Variants in WDR72 observed in about 807,000 individuals in gnomAD.
WDR72 encodes WD repeat-containing protein 72.
A neutral mutation model predicts 124.2 loss-of-function variants in WDR72; 120 were observed. The ratio of observed to expected loss-of-function variants is 0.97; its 90% CI spans 0.83 to 1.12. WDR72 has a LOEUF of 1.12. Among genes scored for constraint, WDR72 ranks in the 50% most tolerant of loss-of-function variants. The pLI is 0.00. For synonymous variants in WDR72, 452 were observed against 441.7 expected (o/e 1.02, Z -0.29); for missense variants, 1,387 against 1,278.8 (o/e 1.08, Z -1.29).
rs190154237 is a variant in WDR72, at chr15:53,611,169, T to C, written c.2873-1577A>G. On this transcript the variant is annotated intron_variant, in intron 16 of 19. Transcript: ENST00000360509. ...TTTAGATGAGCACCTCGGAGTATTA[T>C]TTTTATTCTTTAGGATTTGGCTTCA... 1.9e-3 allele frequency among the ~76,000 whole-genome samples: 292 copies of C among 152,286 alleles called. 1 individual carries two copies. The highest frequency in any genetic ancestry group is 6.8e-3 in the African/African-American group (283 of 41,578).
rs192085071 is a variant in WDR72 at position 53,553,417 on chromosome 15, C to T, written c.3149-30095G>A. ...TGCAGTGTTTTCGTGTTATGTAGCA[C>T]GGGGAGAACAAATTTCTGAAGCTGT... On this transcript the variant is annotated intron_variant, in intron 18 of 19. Transcript: ENST00000360509. Among the ~76,000 whole-genome samples, 69 of 152,104 alleles carry T rather than the reference C, an allele frequency of 4.5e-4. 1 individual carries two copies. In the East Asian group the frequency reaches 5.8e-3, roughly 13 times the overall value.
chr15:53,617,471 T>C lies in WDR72; in HGVS notation c.1963-1228A>G, dbSNP rs2013814501. On this transcript the variant is annotated intron_variant, in intron 14 of 19. Coordinates refer to ENST00000360509, the MANE Select transcript of WDR72 (RefSeq NM_182758.4). The stretch of plus-strand genomic sequence containing the variant: ...TGATGATATATTTAATTTTCAATAA[T>C]AAAAAAGGAAAGTTTAAAAAGAAAA... 4.0e-5 allele frequency among the ~76,000 whole-genome samples: 6 copies of C among 151,394 alleles called. No homozygotes were observed. In the South Asian group the frequency reaches 1.2e-3, roughly 32 times the overall value.
intron 18 of WDR72, among the ~76,000 whole-genome samples, chr15:53,555,391 G>T (rs923611716): frequency 1.3e-5 from 2 of 151,828 alleles, no homozygotes; most frequent in East Asian, 1.9e-4. Context: ...AAAGAAGAAA[G>T]AAATAGATCT....
chr15:53,597,189 G>T lies in WDR72; in HGVS notation c.3038C>A (p.Pro1013Gln). 1 of 1,613,882 alleles carries T rather than the reference G, an allele frequency of 6.2e-7. No individual in the cohort carries two copies. Among genetic ancestry groups the T allele is most frequent in the Middle Eastern group, 1.7e-4 (1 of 6,056 alleles). ...GTTACCATTCTCTGCCATGGACACT[G>T]GTTGACTATTGACGGGTATCTTTCC... ...SLGKIPVNSQ[P>Q]VSMAENGNCE... is the part of the protein sequence containing the mutation. The change falls in exon 18 of 20, where the codon CCA (proline) becomes CAA (glutamine). Residue 1013 changes from proline (P) to glutamine (Q), a missense_variant. By Grantham distance (76) the Pro-to-Gln change is moderately conservative. Transcript: ENST00000360509.
At chr15:53,599,256 A>G (rs2140342693) in intron 17 of WDR72, among the ~76,000 whole-genome samples, 1 of 152,228 alleles carries the variant, frequency 6.6e-6, no homozygotes, top group South Asian at 2.1e-4. Context: ...ATATTTTATT[A>G]CTTATTCATG....
Position 53,615,955 on chromosome 15 carries a change from C to T in WDR72, c.2251G>A (p.Ala751Thr). The change falls in exon 15 of 20, where the codon GCC (alanine) becomes ACC (threonine). Residue 751 changes from alanine (A) to threonine (T), a missense_variant. Coordinates refer to ENST00000360509, the MANE Select transcript of WDR72 (RefSeq NM_182758.4). ...ALAKPITESL[A>T]QGDNTIKFSE... ...AATTTGATGGTATTATCTCCTTGGG[C>T]CAGGCTTTCAGTAATAGGCTTGGCT... The T allele has an allele frequency of 6.2e-7, 1 of 1,613,274 alleles. No homozygotes were observed. The highest frequency in any genetic ancestry group is 8.5e-7 in the Non-Finnish European group (1 of 1,179,596).
intron 18 of WDR72, among the ~76,000 whole-genome samples, chr15:53,585,507 GC>G (rs2012158202): frequency 1.3e-5 from 2 of 151,886 alleles, no homozygotes; most frequent in African/African-American, 4.8e-5. Context: ...CCATATAATT[GC>G]GCTATTGGGT....
intron 13 of WDR72, among the ~76,000 whole-genome samples, chr15:53,673,384 G>C (rs923799891): frequency 6.6e-6 from 1 of 152,068 alleles, no homozygotes; most frequent in Non-Finnish European, 1.5e-5. Flanking sequence ...AGGAAATTAA[G>C]ACTAAACAAC....
At chr15:53,523,344 G>A in intron 18 of WDR72, 22 bp from the exon 19 acceptor site, 1 of 1,608,726 alleles carries the variant, frequency 6.2e-7, no homozygotes, top group South Asian at 1.1e-5. Context: ...GAGAGAGAGA[G>A]AGAGAGAGAC....
At chr15:53,756,268 C>T (rs2018903361) in intron 1 of WDR72, among the ~76,000 whole-genome samples, 1 of 152,176 alleles carries the variant, frequency 6.6e-6, no homozygotes, top group Non-Finnish European at 1.5e-5. Context: ...CTTTGCTCCG[C>T]ACTCATTCTC....
At chr15:53,696,514 C>T (rs1316502160) in intron 13 of WDR72, among the ~76,000 whole-genome samples, 1 of 152,212 alleles carries the variant, frequency 6.6e-6, no homozygotes, top group African/African-American at 2.4e-5. Flanking sequence ...ATTTATCATT[C>T]GTGTGCCAGG....
intron 1 of WDR72, among the ~76,000 whole-genome samples, chr15:53,740,271 A>G (rs1042723284): frequency 6.6e-6 from 1 of 151,954 alleles, no homozygotes; most frequent in Non-Finnish European, 1.5e-5. Context: ...CATAGCAGAA[A>G]ATATTCTTTT....
intron 18 of WDR72, among the ~76,000 whole-genome samples, chr15:53,555,212 T>TAAAA (rs67413847): frequency 1.3e-5 from 2 of 148,470 alleles, no homozygotes; most frequent in African/African-American, 2.5e-5. Context: ...CCATTTAAGA[T>TAAAA]AAAAAAAAAA....
chr15:53,632,467 A>G (rs2014468680), intron 14 of WDR72, among the ~76,000 whole-genome samples: 1 of 152,042 alleles, frequency 6.6e-6, no homozygotes, highest in African/African-American at 2.4e-5. Flanking sequence ...CTACTAGAGC[A>G]CTGCAGAGGG....
In WDR72 at chr15:53,517,654, A is replaced by G; in HGVS notation, c.*45T>C. The G allele has an allele frequency of 2.5e-6, 4 of 1,596,240 alleles. No homozygotes were observed. The highest frequency in any genetic ancestry group is 3.4e-6 in the Non-Finnish European group (4 of 1,164,158). ...GTAATAAACAAATGGCATCTTTTGG[A>G]TTTCTTAATTTGTCCAAATTCAGCT... On this transcript the variant is annotated 3_prime_UTR_variant, in exon 20 of 20. Coordinates refer to ENST00000360509, the MANE Select transcript of WDR72 (RefSeq NM_182758.4).
In WDR72 at chr15:53,516,920, G is replaced by C. The variant is rs569731592; in HGVS notation, c.*779C>G. 6.6e-6 allele frequency: 1 copy of C among 152,036 alleles called. No individual in the cohort carries two copies. The highest frequency in any genetic ancestry group is 1.5e-5 in the Non-Finnish European group (1 of 67,928). 9.4% of individuals were successfully genotyped at this position (152,036 alleles called of 1,614,324 possible). On this transcript the variant is annotated 3_prime_UTR_variant, in exon 20 of 20. Coordinates refer to ENST00000360509, the MANE Select transcript of WDR72 (RefSeq NM_182758.4). ...ATTCCTGCTAGTCAAGCTTCTTTCT[G>C]GGAAAAGACCTACAAGAGTTTATAC...
intron 18 of WDR72, among the ~76,000 whole-genome samples, chr15:53,527,616 T>C (rs1457823804): frequency 6.6e-6 from 1 of 152,070 alleles, no homozygotes; most frequent in African/African-American, 2.4e-5. Flanking sequence ...GTCATCTGTA[T>C]AGGCTTTTTG....
In WDR72 at chr15:53,609,458, A is replaced by T. The variant is rs1595791185; in HGVS notation, c.2952+55T>A. On this transcript the variant is annotated intron_variant, in intron 17 of 19. Coordinates refer to ENST00000360509, the MANE Select transcript of WDR72 (RefSeq NM_182758.4). ...TTCAGATAGAGGGGGGTATCCATGAACCACAGCAGCAAGGAACTCTTCTAA... is the reference window on the plus strand; with the variant it reads ...TTCAGATAGAGGGGGGTATCCATGATCCACAGCAGCAAGGAACTCTTCTAA... 4.0e-6 allele frequency: 6 copies of T among 1,489,372 alleles called. No homozygotes were observed. In the East Asian group the frequency reaches 1.1e-4, roughly 28 times the overall value. 92.3% of individuals were successfully genotyped at this position (1,489,372 alleles called of 1,614,324 possible).
chr15:53,577,821 T>C (rs1478227791), intron 18 of WDR72, among the ~76,000 whole-genome samples: 4 of 152,180 alleles, frequency 2.6e-5, no homozygotes, highest in Non-Finnish European at 4.4e-5. Flanking sequence ...TTTAGATAAC[T>C]AGGAATAACC....
Sources: gnomAD v4.1 joint callset for allele counts (sites outside exome capture counted in the v4.1 genomes callset) on GRCh38, gnomAD v4.1.1 for gene constraint, MANE v1.5 for transcripts, NCBI Gene and HGNC (gene_info 2026-07-23, HGNC 2026-07-21) for gene names.